The following GALNT13 variants were observed in gnomAD, a reference collection of about 807,000 sequenced individuals.
GALNT13 encodes polypeptide N-acetylgalactosaminyltransferase 13.
A neutral mutation model predicts 64.2 loss-of-function variants in GALNT13; 28 were observed. The ratio of observed to expected loss-of-function variants is 0.44; its 90% CI spans 0.32 to 0.60. The LOEUF is 0.60. GALNT13 is among the 20% of genes least tolerant of loss of function. The probability of loss-of-function intolerance (pLI) is 0.05; values close to 1 mark genes in which losing one functional copy is unlikely to be tolerated. For missense variants in GALNT13, 577 were observed against 669.8 expected, an observed-to-expected ratio of 0.86 and a Z score of 1.53; for synonymous variants, 214 against 224.6, an observed-to-expected ratio of 0.95 and a Z score of 0.42.
chr2:153,653,582 G>T, the GALNT13 span, among the ~76,000 whole-genome samples: 1 of 152,052 alleles, frequency 6.6e-6, no homozygotes, highest in African/African-American at 2.4e-5. Context: ...AATTGCAATT[G>T]GTTTCCAATG....
chr2:153,827,435 AAC>A, the GALNT13 span, among the ~76,000 whole-genome samples: 1 of 152,116 alleles, frequency 6.6e-6, no homozygotes, highest in Non-Finnish European at 1.5e-5. Context: ...CATCCTGGCT[AAC>A]ACAGTGAAAT....
the GALNT13 span, among the ~76,000 whole-genome samples, chr2:153,628,808 T>C: frequency 6.6e-6 from 1 of 152,112 alleles, no homozygotes; most frequent in African/African-American, 2.4e-5. Context: ...TAAAATTCTC[T>C]TTTTTTGTTG....
the GALNT13 span, among the ~76,000 whole-genome samples, chr2:153,853,257 G>T: frequency 2.6e-5 from 4 of 151,924 alleles, no homozygotes; most frequent in Non-Finnish European, 5.9e-5. Flanking sequence ...ATTGGGGGTG[G>T]GTCTGTGTCT....
chr2:153,340,080 T>C, the GALNT13 span, among the ~76,000 whole-genome samples: 1 of 152,196 alleles, frequency 6.6e-6, no homozygotes, highest in South Asian at 2.1e-4. Flanking sequence ...TTAGCTATTT[T>C]GGGTCCTTTG....
the GALNT13 span, among the ~76,000 whole-genome samples, chr2:153,697,152 A>G: frequency 6.6e-6 from 1 of 152,090 alleles, no homozygotes; most frequent in Non-Finnish European, 1.5e-5. Flanking sequence ...TTTCTTTCTT[A>G]TTAATACCAC....
At chr2:153,068,306 T>TA in the GALNT13 span, among the ~76,000 whole-genome samples, 1 of 152,202 alleles carries the variant, frequency 6.6e-6, no homozygotes, top group Non-Finnish European at 1.5e-5. Flanking sequence ...GGGAGTGCTT[T>TA]TCACTCTCTT....
chr2:154,073,880 C>A (rs377339617), intron 3 of GALNT13, among the ~76,000 whole-genome samples: 1 of 151,878 alleles, frequency 6.6e-6, no homozygotes, highest in South Asian at 2.1e-4. Context: ...AAACAACATA[C>A]TATAGCAAAT....
At chr2:154,304,413 A>G (rs1693620849) in intron 9 of GALNT13, among the ~76,000 whole-genome samples, 1 of 152,214 alleles carries the variant, frequency 6.6e-6, no homozygotes, top group South Asian at 2.1e-4. Context: ...GAAATATATA[A>G]GTTCAAATAT....
the GALNT13 span, among the ~76,000 whole-genome samples, chr2:153,600,818 T>C: frequency 4.9e-4 from 75 of 152,116 alleles, no homozygotes; most frequent in African/African-American, 1.7e-3. Context: ...GTGCTGTAAT[T>C]CAGATGAGGA....
rs58531523 is a variant in GALNT13 at position 154,182,343 on chromosome 2, C to T, written c.311+41838C>T. On this transcript the variant is annotated intron_variant, in intron 4 of 12. Transcript: ENST00000392825. ...AGCATAAATTGCTGTTTTTTGTGTG[C>T]GCATTTGGTAAAAGTACTTCTACAT... is the stretch of plus-strand genomic sequence containing the variant. Among the ~76,000 whole-genome samples the T allele has an allele frequency of 1.8e-3, 280 of 152,106 alleles. 2 individuals are homozygous for T. Among genetic ancestry groups the T allele is most frequent in the African/African-American group, 6.0e-3 (248 of 41,518 alleles).
At chr2:153,301,028 A>G in the GALNT13 span, among the ~76,000 whole-genome samples, 1 of 152,114 alleles carries the variant, frequency 6.6e-6, no homozygotes, top group Admixed American at 6.5e-5. Flanking sequence ...ACATGATGAA[A>G]GCCTGTCTTT....
chr2:153,758,909 A>G, the GALNT13 span, among the ~76,000 whole-genome samples: 3 of 152,272 alleles, frequency 2.0e-5, no homozygotes, highest in East Asian at 5.8e-4. Flanking sequence ...ACATTTTAAC[A>G]ATATTAATTC....
the GALNT13 span, among the ~76,000 whole-genome samples, chr2:153,509,596 T>C: frequency 1.3e-5 from 2 of 152,274 alleles, no homozygotes; most frequent in African/African-American, 4.8e-5. Flanking sequence ...AGTGTTATTG[T>C]AGATGGTCAT....
At chr2:153,704,005 A>G in the GALNT13 span, among the ~76,000 whole-genome samples, 1 of 152,136 alleles carries the variant, frequency 6.6e-6, no homozygotes, top group Admixed American at 6.6e-5. Context: ...AGAATACTCT[A>G]TATTTCCAGT....
chr2:153,222,590 A>ACTG, the GALNT13 span, among the ~76,000 whole-genome samples: 4 of 152,202 alleles, frequency 2.6e-5, no homozygotes, highest in Admixed American at 2.0e-4. Context: ...TCCATGGTCC[A>ACTG]CTGCGCCCAG....
the GALNT13 span, among the ~76,000 whole-genome samples, chr2:153,428,619 G>T: frequency 6.6e-6 from 1 of 152,118 alleles, no homozygotes; most frequent in Non-Finnish European, 1.5e-5. Flanking sequence ...TCCAGTGGTG[G>T]ACAAAAAATT....
chr2:153,854,044 A>C, the GALNT13 span, among the ~76,000 whole-genome samples: 2 of 151,806 alleles, frequency 1.3e-5, no homozygotes, highest in African/African-American at 4.8e-5. Flanking sequence ...TGTGAAGTCC[A>C]TAGTATGTTA....
chr2:153,564,365 G>T, the GALNT13 span, among the ~76,000 whole-genome samples: 1 of 151,790 alleles, frequency 6.6e-6, no homozygotes, highest in Admixed American at 6.6e-5. Flanking sequence ...AGTTATTTTG[G>T]CTTTTAAAAG....
chr2:153,983,004 A>G (rs981163397), intron 3 of GALNT13, among the ~76,000 whole-genome samples: 3 of 151,956 alleles, frequency 2.0e-5, no homozygotes, highest in Non-Finnish European at 4.4e-5. Flanking sequence ...AACAAGAACT[A>G]TTTTTATCTG....
Sources: allele counts gnomAD v4.1 joint callset (sites outside exome capture counted in the v4.1 genomes callset), GRCh38; gene constraint gnomAD v4.1.1; transcripts MANE v1.5; gene names NCBI Gene and HGNC (gene_info 2026-07-23, HGNC 2026-07-21).